ADAM2: variants seen among roughly 807,000 people sequenced by gnomAD.
ADAM2 encodes disintegrin and metalloproteinase domain-containing protein 2.
In ADAM2, 101 loss-of-function variants were observed where a neutral mutation model predicts 99.3. The observed-to-expected ratio is 1.02, with a 90% CI of 0.87 to 1.20. The LOEUF (loss-of-function observed/expected upper bound fraction) is 1.20. ADAM2 is among the 50% of genes most tolerant of loss of function. The probability of loss-of-function intolerance (pLI) is 0.00; values close to 1 mark genes in which losing one functional copy is unlikely to be tolerated. For missense variants in ADAM2, 948 were observed against 878.7 expected, an observed-to-expected ratio of 1.08 and a Z score of -1.00; for synonymous variants, 323 against 287.6, an observed-to-expected ratio of 1.12 and a Z score of -1.25.
At chr8:39,801,659 C>T (rs1185320190) in intron 7 of ADAM2, among the ~76,000 whole-genome samples, 1 of 152,112 alleles carries the variant, frequency 6.6e-6, no homozygotes, top group Non-Finnish European at 1.5e-5. Context: ...GGCCGCCCCT[C>T]CCCCTGGGGG....
chr8:39,753,422 A>C (rs746501769), intron 16 of ADAM2, among the ~76,000 whole-genome samples: 3 of 150,332 alleles, frequency 2.0e-5, no homozygotes, highest in African/African-American at 7.5e-5. Flanking sequence ...CTGATGATGC[A>C]ATAGAAAAAA....
chr8:39,796,505 T>C (rs990242240), intron 7 of ADAM2, among the ~76,000 whole-genome samples: 1 of 152,170 alleles, frequency 6.6e-6, no homozygotes, highest in Non-Finnish European at 1.5e-5. Context: ...TAAACATACA[T>C]GAGCATGTGT....
In ADAM2 at chr8:39,821,663, C is replaced by T. The variant is rs868815201; in HGVS notation, c.268-1G>A. On this transcript the variant is annotated splice_acceptor_variant, in intron 4 of 20. Transcript: ENST00000265708. LOFTEE classifies it high-confidence loss of function. ...TATACCCTTGGTAGTGGCAGAAATT[C>T]TGAAAGATAAAATACACATATCTCC... 6.3e-7 allele frequency: 1 copy of T among 1,592,750 alleles called. No homozygotes were observed. The highest frequency in any genetic ancestry group is 8.6e-7 in the Non-Finnish European group (1 of 1,161,696).
Position 39,755,776 on chromosome 8 carries a change from G to C in ADAM2, c.1749C>G (p.Asp583Glu), listed in dbSNP as rs1802124722. Reference sequence around the variant, plus strand: ...CATCTTTTATCCACATCTTTTGGCTGTCTGCATGATCACTGGCAAATTCCA... The same window carrying C: ...CATCTTTTATCCACATCTTTTGGCTCTCTGCATGATCACTGGCAAATTCCA... Reference protein sequence around the residue: ...IAVEFASDHADSQKMWIKDGT... With the variant: ...IAVEFASDHAESQKMWIKDGT... Residue 583 changes from aspartate to glutamate, a missense_variant, in exon 16 of 21, where the codon GAC becomes GAG. Asp to Glu is a conservative substitution (Grantham distance 45, BLOSUM62 2). Coordinates refer to ENST00000265708, the MANE Select transcript of ADAM2 (RefSeq NM_001464.5). 1.9e-6 allele frequency: 3 copies of C among 1,613,460 alleles called. No homozygotes were observed. The highest frequency in any genetic ancestry group is 8.5e-7 in the Non-Finnish European group (1 of 1,179,774).
chr8:39,783,402 C>G (rs138529901), intron 10 of ADAM2, among the ~76,000 whole-genome samples: 78 of 152,112 alleles, frequency 5.1e-4, no homozygotes, highest in African/African-American at 1.7e-3. Flanking sequence ...TTTATTCTCT[C>G]ACATTTGCTC....
chr8:39,822,134 C>G (rs1210060405), intron 4 of ADAM2, among the ~76,000 whole-genome samples: 1 of 152,128 alleles, frequency 6.6e-6, no homozygotes, highest in Non-Finnish European at 1.5e-5. Flanking sequence ...ACTCAATACA[C>G]TGTATTTCTA....
chr8:39,749,158 C>T (rs1307869466), intron 18 of ADAM2, among the ~76,000 whole-genome samples, 154 bp downstream of exon 18: 1 of 152,002 alleles, frequency 6.6e-6, no homozygotes, highest in Non-Finnish European at 1.5e-5. Flanking sequence ...ATATATTACT[C>T]TCTGGAAGTG....
Position 39,750,703 on chromosome 8 carries a change from A to G in ADAM2, c.1798-959T>C, listed in dbSNP as rs548658521. 2.4e-4 allele frequency among the ~76,000 whole-genome samples: 37 copies of G among 152,256 alleles called. No individual in the cohort carries two copies. In the South Asian group the frequency reaches 6.6e-3, roughly 27 times the overall value. ...GGAGTAATATGCATAGTAAAAAGAG[A>G]TGGGTGAATGACACCAAGGATTCTG... On this transcript the variant is annotated intron_variant, in intron 16 of 20. Transcript: ENST00000265708.
chr8:39,835,041 C>T (rs972018810), intron 2 of ADAM2, among the ~76,000 whole-genome samples: 1 of 152,144 alleles, frequency 6.6e-6, no homozygotes, highest in Non-Finnish European at 1.5e-5. Flanking sequence ...AATTTAATTA[C>T]GTCTTTATAG....
intron 3 of ADAM2, among the ~76,000 whole-genome samples, chr8:39,829,262 T>G (rs1372774662): frequency 6.6e-6 from 1 of 151,986 alleles, no homozygotes; most frequent in African/African-American, 2.4e-5. Flanking sequence ...AATGGAAGAA[T>G]TATCTTTACC....
intron 10 of ADAM2, among the ~76,000 whole-genome samples, chr8:39,778,444 C>A (rs534456001): frequency 6.8e-4 from 104 of 152,080 alleles, no homozygotes; most frequent in Non-Finnish European, 1.3e-3. Flanking sequence ...ATGCTTACGT[C>A]TCTTTGAACC....
chr8:39,831,350 G>T (rs1805609818), intron 3 of ADAM2, among the ~76,000 whole-genome samples: 1 of 152,080 alleles, frequency 6.6e-6, no homozygotes, highest in Non-Finnish European at 1.5e-5. Context: ...CCAGCTAATT[G>T]TCATGGCAGG....
chr8:39,826,890 A>G (rs1327008041), intron 3 of ADAM2, among the ~76,000 whole-genome samples: 1 of 152,142 alleles, frequency 6.6e-6, no homozygotes, highest in Non-Finnish European at 1.5e-5. Flanking sequence ...ACTAGACAAA[A>G]ACTAGACAAA....
chr8:39,838,143 G>T lies in ADAM2; in HGVS notation c.43C>A (p.Arg15=). ...TTTTTCTGCTTACTACTGTCCATCC[G>T]CAGCCCGCCGAGCCCGCTGAGCAGA... The part of the protein sequence containing the change: ...LFLLSGLGGL[R]MDSNFDSLPV... Residue 15 remains arginine, a synonymous_variant, in exon 1 of 21, where the codon CGG becomes AGG. Coordinates refer to ENST00000265708, the MANE Select transcript of ADAM2 (RefSeq NM_001464.5). 6.2e-7 allele frequency: 1 copy of T among 1,614,072 alleles called. No homozygotes were observed. Among genetic ancestry groups the T allele is most frequent in the Admixed American group, 1.7e-5 (1 of 60,014 alleles).
intron 15 of ADAM2, among the ~76,000 whole-genome samples, chr8:39,757,559 T>C (rs1802196250): frequency 6.6e-6 from 1 of 152,168 alleles, no homozygotes; most frequent in South Asian, 2.1e-4. Flanking sequence ...AGGTTTATAT[T>C]CAGCCTGAAA....
chr8:39,823,987 A>C (rs1242472664), intron 4 of ADAM2, among the ~76,000 whole-genome samples: 1 of 152,068 alleles, frequency 6.6e-6, no homozygotes, highest in Non-Finnish European at 1.5e-5. Context: ...TGAGGTTAAA[A>C]AACAAAAGAA....
chr8:39,821,836 A>G (rs1233926867), intron 4 of ADAM2, among the ~76,000 whole-genome samples, 174 bp from the exon 5 acceptor site: 1 of 152,172 alleles, frequency 6.6e-6, no homozygotes, highest in Non-Finnish European at 1.5e-5. Context: ...AGTACTCCCC[A>G]CAGATTTATA....
intron 3 of ADAM2, among the ~76,000 whole-genome samples, chr8:39,825,930 T>C (rs1805379971): frequency 6.6e-6 from 1 of 152,230 alleles, no homozygotes; most frequent in African/African-American, 2.4e-5. Flanking sequence ...AAAATGTCAT[T>C]AGAATTTTGA....
At chr8:39,791,629 T>C (rs1443574915) in intron 7 of ADAM2, among the ~76,000 whole-genome samples, 1 of 152,064 alleles carries the variant, frequency 6.6e-6, no homozygotes, top group Admixed American at 6.6e-5. Context: ...ACTCTCTTCG[T>C]TGAGCTCTCT....
Sources: gnomAD v4.1 joint callset for allele counts (sites outside exome capture counted in the v4.1 genomes callset) on GRCh38, gnomAD v4.1.1 for gene constraint, MANE v1.5 for transcripts, NCBI Gene and HGNC (gene_info 2026-07-23, HGNC 2026-07-21) for gene names.